Variants in MECOM observed in about 807,000 individuals in gnomAD.
MECOM encodes MDS1 and EVI1 complex locus, also known as histone-lysine N-methyltransferase MECOM.
In MECOM, 13 loss-of-function variants were observed where a neutral mutation model predicts 116.3. The ratio of observed to expected loss-of-function variants is 0.11; its 90% CI spans 0.07 to 0.18. The LOEUF (loss-of-function observed/expected upper bound fraction) is 0.18, where lower values mean the gene tolerates loss of function less well. Among genes scored for constraint, MECOM ranks in the 10% least tolerant of loss-of-function variants. The pLI is 1.00. For missense variants in MECOM, 1,299 were observed against 1,509.0 expected, an observed-to-expected ratio of 0.86 and a Z score of 2.31; for synonymous variants, 528 against 535.2, an observed-to-expected ratio of 0.99 and a Z score of 0.19.
At chr3:169,521,073 A>G (rs1347535516) in intron 1 of MECOM, among the ~76,000 whole-genome samples, 1 of 152,240 alleles carries the variant, frequency 6.6e-6, no homozygotes, top group Non-Finnish European at 1.5e-5. Context: ...TGCCAGAGGC[A>G]ATGGGGTCAA....
chr3:169,572,915 C>T (rs548726512), intron 1 of MECOM, among the ~76,000 whole-genome samples: 13 of 151,992 alleles, frequency 8.6e-5, no homozygotes, highest in Admixed American at 6.6e-5. Context: ...CACCATGGCA[C>T]GTGTATACCT....
chr3:169,518,030 C>T (rs995216652), intron 1 of MECOM, among the ~76,000 whole-genome samples: 18 of 152,170 alleles, frequency 1.2e-4, no homozygotes, highest in South Asian at 8.3e-4. Context: ...GAGGCCAAGG[C>T]GGGCTGATCA....
At chr3:169,247,498 T>C (rs1374075526) in intron 2 of MECOM, among the ~76,000 whole-genome samples, 1 of 152,166 alleles carries the variant, frequency 6.6e-6, no homozygotes, top group Non-Finnish European at 1.5e-5. Flanking sequence ...GAGACAGGGT[T>C]TCTCCATGTG....
intron 1 of MECOM, among the ~76,000 whole-genome samples, chr3:169,498,003 TC>T (rs1485820151): frequency 1.3e-5 from 2 of 152,202 alleles, no homozygotes; most frequent in African/African-American, 4.8e-5. Context: ...CACCTTCTCT[TC>T]TCTAGAGTCT....
chr3:169,240,090 A>G (rs1172310511), intron 2 of MECOM, among the ~76,000 whole-genome samples: 1 of 152,236 alleles, frequency 6.6e-6, no homozygotes, highest in African/African-American at 2.4e-5. Context: ...GTAGTTTAGG[A>G]AATTCGACAA....
intron 2 of MECOM, among the ~76,000 whole-genome samples, chr3:169,273,311 G>A (rs1560074340): frequency 6.6e-6 from 1 of 152,116 alleles, no homozygotes. Context: ...GATTAAAAAG[G>A]ATATAGTTCA....
intron 4 of MECOM, 46 bp downstream of exon 4, chr3:169,131,383 G>A (rs1489016732): frequency 4.1e-6 from 6 of 1,471,630 alleles, no homozygotes; most frequent in African/African-American, 1.4e-5. Context: ...CTACTTTATA[G>A]TCGCGATGAT....
Position 169,621,416 on chromosome 3 carries a change from G to A in MECOM, c.37+41920C>T, listed in dbSNP as rs150959981. On this transcript the variant is annotated intron_variant, in intron 1 of 16. Coordinates refer to ENST00000651503, the MANE Select transcript of MECOM (RefSeq NM_004991.4). ...AGTAGTCATAATAGTAGTAGCAGTT[G>A]TTGTAGAATAGCTCTTTGATTTGAT... 2.1e-3 allele frequency among the ~76,000 whole-genome samples: 322 copies of A among 152,300 alleles called. 2 individuals carry two copies. Among genetic ancestry groups the A allele is most frequent in the African/African-American group, 7.4e-3 (306 of 41,564 alleles).
intron 1 of MECOM, among the ~76,000 whole-genome samples, chr3:169,650,027 T>A (rs1774690895): frequency 6.6e-6 from 1 of 152,240 alleles, no homozygotes; most frequent in Admixed American, 6.5e-5. Flanking sequence ...TTATATTTAA[T>A]CAACAACATC....
chr3:169,499,918 A>G (rs779195228), intron 1 of MECOM, among the ~76,000 whole-genome samples: 5 of 152,104 alleles, frequency 3.3e-5, no homozygotes, highest in Admixed American at 6.6e-5. Context: ...ACAGCTTGGT[A>G]ACATTTTCTA....
chr3:169,386,220 G>A lies in MECOM; in HGVS notation c.38-4696C>T, dbSNP rs531841876. On this transcript the variant is annotated intron_variant, in intron 1 of 16. Coordinates refer to ENST00000651503, the MANE Select transcript of MECOM (RefSeq NM_004991.4). The stretch of plus-strand genomic sequence containing the variant: ...AACATATCAGAACCTTCAAAGAGAA[G>A]AAATTGCAGAAATAATACCAATAAT... 5.3e-5 allele frequency among the ~76,000 whole-genome samples: 8 copies of A among 152,258 alleles called. No homozygotes were observed. In the South Asian group the frequency reaches 1.7e-3, roughly 32 times the overall value.
At chr3:169,351,997 G>GC (rs1391416303) in intron 2 of MECOM, among the ~76,000 whole-genome samples, 1 of 151,854 alleles carries the variant, frequency 6.6e-6, no homozygotes, top group Non-Finnish European at 1.5e-5. Context: ...ACGGAAAACT[G>GC]CAACAATGAC....
In MECOM at chr3:169,310,267, A is replaced by G. The variant is rs148712110; in HGVS notation, c.375+70920T>C. Among the ~76,000 whole-genome samples the G allele has an allele frequency of 4.1e-3, 627 of 152,326 alleles. 2 individuals are homozygous for G. Among genetic ancestry groups the G allele is most frequent in the African/African-American group, 0.014 (598 of 41,570 alleles). Reference sequence around the variant, plus strand: ...GTCCATAAACATGCGCTGAGCACCTATTATATGTGATTCATGTGTTAGGCC... The same window carrying G: ...GTCCATAAACATGCGCTGAGCACCTGTTATATGTGATTCATGTGTTAGGCC... On this transcript the variant is annotated intron_variant, in intron 2 of 16. Coordinates refer to ENST00000651503, the MANE Select transcript of MECOM (RefSeq NM_004991.4).
intron 2 of MECOM, among the ~76,000 whole-genome samples, chr3:169,211,667 G>A (rs982310587): frequency 6.6e-6 from 1 of 152,020 alleles, no homozygotes; most frequent in African/African-American, 2.4e-5. Context: ...AGTTTCTGAG[G>A]GTTTCATGTT....
At chr3:169,456,631 A>C (rs1746549630) in intron 1 of MECOM, among the ~76,000 whole-genome samples, 1 of 152,042 alleles carries the variant, frequency 6.6e-6, no homozygotes, top group Non-Finnish European at 1.5e-5. Flanking sequence ...GCTGAATCAG[A>C]GTCTGCATTT....
At chr3:169,563,028 C>T (rs542054217) in intron 1 of MECOM, among the ~76,000 whole-genome samples, 8 of 145,518 alleles carry the variant, frequency 5.5e-5, no homozygotes, top group African/African-American at 1.3e-4. Context: ...CATGCCATTG[C>T]ACTCCAGCCT....
At chr3:169,511,373 T>A (rs1459210989) in intron 1 of MECOM, among the ~76,000 whole-genome samples, 3 of 152,198 alleles carry the variant, frequency 2.0e-5, no homozygotes, top group Admixed American at 2.0e-4. Flanking sequence ...TAACTGAATC[T>A]TACAGCACAG....
chr3:169,163,359 T>C (rs1743121232), intron 2 of MECOM, among the ~76,000 whole-genome samples: 1 of 152,118 alleles, frequency 6.6e-6, no homozygotes. Context: ...GGCAACAATG[T>C]GGCAAGTGTA....
chr3:169,603,792 C>T (rs1768134687), intron 1 of MECOM, among the ~76,000 whole-genome samples: 1 of 152,088 alleles, frequency 6.6e-6, no homozygotes, highest in African/African-American at 2.4e-5. Flanking sequence ...AATGATGTAC[C>T]CACAACAATG....
Sources: gnomAD v4.1 joint callset for allele counts (sites outside exome capture counted in the v4.1 genomes callset) on GRCh38, gnomAD v4.1.1 for gene constraint, MANE v1.5 for transcripts, NCBI Gene and HGNC (gene_info 2026-07-23, HGNC 2026-07-21) for gene names.